ADAM23: variants seen among roughly 807,000 people sequenced by gnomAD.
ADAM23 encodes the protein disintegrin and metalloproteinase domain-containing protein 23.
ADAM23 carries 33 observed loss-of-function variants against 120.1 expected under a neutral mutation model. The observed-to-expected ratio is 0.27, with a 90% CI of 0.21 to 0.37. The LOEUF (loss-of-function observed/expected upper bound fraction) is 0.37, where lower values mean the gene tolerates loss of function less well. ADAM23 is among the 10% of genes least tolerant of loss of function. The pLI is 1.00. For synonymous variants in ADAM23, 367 were observed against 375.2 expected (o/e 0.98, Z 0.25); for missense variants, 862 against 1,058.2 (o/e 0.81, Z 2.57).
rs1275659625 is a variant in ADAM23 at position 206,557,478 on chromosome 2, G to A, written c.985G>A (p.Val329Met). The change falls in exon 10 of 26, where the codon GTG (valine) becomes ATG (methionine). Residue 329 changes from valine (V) to methionine (M), a missense_variant. Val to Met is a conservative substitution (Grantham distance 21). Coordinates refer to ENST00000264377, the MANE Select transcript of ADAM23 (RefSeq NM_003812.4). ...ACATACCAACAACTTTGCAAAGTCC[G>A]TGGTCAACCTTGTGGATTCTGTAAG... The part of the protein sequence containing the change: ...HAHTNNFAKS[V>M]VNLVDSIYKE... 6.2e-6 allele frequency: 10 copies of A among 1,613,340 alleles called. No homozygotes were observed. The highest frequency in any genetic ancestry group is 5.9e-6 in the Non-Finnish European group (7 of 1,179,448).
At chr2:206,448,280 T>TA (rs769773702) in intron 2 of ADAM23, among the ~76,000 whole-genome samples, 63 of 152,352 alleles carry the variant, frequency 4.1e-4, no homozygotes, top group Non-Finnish European at 7.2e-4. Context: ...TTTTGGTGCT[T>TA]ACTCAAATTC....
chr2:206,556,926 G>A (rs918637428), intron 9 of ADAM23, among the ~76,000 whole-genome samples: 1 of 152,070 alleles, frequency 6.6e-6, no homozygotes, highest in Non-Finnish European at 1.5e-5. Context: ...AGACAAGTGG[G>A]TTAAGCCGTT....
chr2:206,513,643 G>A (rs545618508), intron 3 of ADAM23, among the ~76,000 whole-genome samples: 1 of 152,300 alleles, frequency 6.6e-6, no homozygotes, highest in South Asian at 2.1e-4. Flanking sequence ...AATAAAAGTG[G>A]CTACACTAAA....
chr2:206,507,546 A>G (rs910653636), intron 3 of ADAM23, among the ~76,000 whole-genome samples: 1 of 152,182 alleles, frequency 6.6e-6, no homozygotes, highest in African/African-American at 2.4e-5. Flanking sequence ...TGTATAGCCT[A>G]CAGAACTGTG....
In ADAM23 at chr2:206,573,021, G is replaced by T. The variant is rs1698036063; in HGVS notation, c.1657-94G>T. The T allele has an allele frequency of 3.3e-6, 4 of 1,229,364 alleles. No homozygotes were observed. The South Asian group carries it at 4.8e-5, about 15-fold the overall frequency. The allele number at this position is 1,229,364 out of a possible 1,614,324, so 76.2% of individuals were successfully genotyped here. A position where few individuals can be genotyped will look rare whatever the true frequency, so the allele number is the denominator to read the frequency against. On this transcript the variant is annotated intron_variant, in intron 17 of 25. Coordinates refer to ENST00000264377, the MANE Select transcript of ADAM23 (RefSeq NM_003812.4). ...AAAAAGAGTTTGGTGTTAGTTATGC[G>T]AGAGTATAGGCATTGTCGGTGAGTC...
chr2:206,541,123 G>A (rs548398223), intron 4 of ADAM23, among the ~76,000 whole-genome samples: 4 of 151,330 alleles, frequency 2.6e-5, no homozygotes, highest in Non-Finnish European at 5.9e-5. Flanking sequence ...CTGAGATCAC[G>A]CCATTGCACT....
intron 3 of ADAM23, among the ~76,000 whole-genome samples, chr2:206,508,728 A>C (rs886507863): frequency 6.6e-6 from 1 of 152,118 alleles, no homozygotes; most frequent in East Asian, 1.9e-4. Context: ...TGCTTTTCAA[A>C]TATCACCTAA....
At position 206,575,081 on chromosome 2, in the gene ADAM23, G is replaced by C. The variant is rs1574543287; in HGVS notation, c.1737+1886G>C. 2.6e-5 allele frequency among the ~76,000 whole-genome samples: 4 copies of C among 152,262 alleles called. No individual in the cohort carries two copies. In the East Asian group the frequency reaches 7.7e-4, roughly 29 times the overall value. On this transcript the variant is annotated intron_variant, in intron 18 of 25. Coordinates refer to ENST00000264377, the MANE Select transcript of ADAM23 (RefSeq NM_003812.4). ...AAAGAGTATAGGGTAGGATGTGATA[G>C]ATAGGGTGATCAAATATTTCTTTCT... is the stretch of plus-strand genomic sequence containing the variant.
intron 24 of ADAM23, among the ~76,000 whole-genome samples, chr2:206,603,980 T>A (rs1256774583): frequency 3.2e-4 from 47 of 147,256 alleles, no homozygotes; most frequent in African/African-American, 9.9e-4. Context: ...AAAAAAAAAG[T>A]TATGACCAGG....
chr2:206,452,600 A>C (rs1695218389), intron 2 of ADAM23, among the ~76,000 whole-genome samples: 1 of 152,144 alleles, frequency 6.6e-6, no homozygotes, highest in Admixed American at 6.5e-5. Flanking sequence ...TAAGGCTAGG[A>C]GTTTGAGAGC....
chr2:206,556,389 T>A (rs1697643173), intron 9 of ADAM23, among the ~76,000 whole-genome samples: 2 of 152,184 alleles, frequency 1.3e-5, no homozygotes, highest in African/African-American at 4.8e-5. Flanking sequence ...TAAAAGAATT[T>A]TCTAATGTAG....
chr2:206,542,161 A>G (rs767246517), intron 5 of ADAM23, 27 bp downstream of exon 5: 2 of 1,601,858 alleles, frequency 1.2e-6, no homozygotes, highest in Non-Finnish European at 1.7e-6. Flanking sequence ...TTGGCATTTT[A>G]TTCATTGACC....
intron 13 of ADAM23, among the ~76,000 whole-genome samples, chr2:206,564,169 T>A (rs1697830440): frequency 6.6e-6 from 1 of 152,122 alleles, no homozygotes; most frequent in African/African-American, 2.4e-5. Flanking sequence ...TAGATAGATG[T>A]ATACCTCTCT....
intron 5 of ADAM23, 80 bp downstream of exon 5, chr2:206,542,214 C>A: frequency 2.9e-6 from 4 of 1,397,644 alleles, no homozygotes; most frequent in Non-Finnish European, 4.1e-6. Context: ...TTTAGTGACT[C>A]TTCCGTGCCA....
chr2:206,453,574 T>G (rs1358009371), intron 2 of ADAM23, among the ~76,000 whole-genome samples: 1 of 152,232 alleles, frequency 6.6e-6, no homozygotes, highest in Admixed American at 6.5e-5. Context: ...CAAGGGAGTC[T>G]TTGTATTTAG....
chr2:206,448,504 T>A (rs1356083008), intron 2 of ADAM23, among the ~76,000 whole-genome samples: 1 of 152,110 alleles, frequency 6.6e-6, no homozygotes, highest in South Asian at 2.1e-4. Flanking sequence ...GTGATGAGTG[T>A]CTTTCATATG....
intron 24 of ADAM23, among the ~76,000 whole-genome samples, chr2:206,604,610 T>C (rs1287204039): frequency 2.0e-5 from 3 of 152,234 alleles, no homozygotes; most frequent in Non-Finnish European, 2.9e-5. Flanking sequence ...ATGATAAAAC[T>C]AGAATTTCTC....
intron 2 of ADAM23, among the ~76,000 whole-genome samples, chr2:206,451,441 T>C (rs562419728): frequency 6.6e-6 from 1 of 152,340 alleles, no homozygotes; most frequent in African/African-American, 2.4e-5. Flanking sequence ...GGTTTCACCA[T>C]GTTGGCCAGG....
At chr2:206,606,345 A>G (rs1217083957) in intron 24 of ADAM23, among the ~76,000 whole-genome samples, 1 of 152,158 alleles carries the variant, frequency 6.6e-6, no homozygotes, top group Non-Finnish European at 1.5e-5. Context: ...GATAGCTACT[A>G]ATGTTTTCTT....
Sources: gnomAD v4.1 joint callset for allele counts (sites outside exome capture counted in the v4.1 genomes callset) on GRCh38, gnomAD v4.1.1 for gene constraint, MANE v1.5 for transcripts, NCBI Gene and HGNC (gene_info 2026-07-23, HGNC 2026-07-21) for gene names.